Variants in PLCG2 observed in about 807,000 individuals in gnomAD.
PLCG2 encodes the protein 1-phosphatidylinositol 4,5-bisphosphate phosphodiesterase gamma-2.
Under a neutral mutation model 175.6 loss-of-function variants are expected in PLCG2, and 69 were observed. The observed-to-expected ratio is 0.39, with a 90% CI of 0.32 to 0.48. The LOEUF is 0.48. Among genes scored for constraint, PLCG2 ranks in the 20% least tolerant of loss-of-function variants. The probability of loss-of-function intolerance (pLI) is 0.91; values close to 1 mark genes in which losing one functional copy is unlikely to be tolerated. For synonymous variants in PLCG2, 827 were observed against 624.0 expected, an observed-to-expected ratio of 1.33 and a Z score of -4.85; for missense variants, 1,798 against 1,650.9, an observed-to-expected ratio of 1.09 and a Z score of -1.54.
chr16:81,770,755 G>T (rs1485591065), intron 2 of PLCG2, among the ~76,000 whole-genome samples: 1 of 151,980 alleles, frequency 6.6e-6, no homozygotes, highest in East Asian at 1.9e-4. Flanking sequence ...GAGGTATAAC[G>T]TGCATAAAAT....
chr16:81,815,988 G>C lies in PLCG2; in HGVS notation c.193+29806G>C, dbSNP rs1236450694. On this transcript the variant is annotated intron_variant, in intron 2 of 32. Coordinates refer to ENST00000564138, the MANE Select transcript of PLCG2 (RefSeq NM_002661.5). Reference sequence around the variant, plus strand: ...GAGGCAAGAGAATTGCTTGAACCCGGGAGGTGGAGGTTGCGGTGAGCCGAG... The same window carrying C: ...GAGGCAAGAGAATTGCTTGAACCCGCGAGGTGGAGGTTGCGGTGAGCCGAG... Among the ~76,000 whole-genome samples, 7 of 152,230 alleles carry C rather than the reference G, an allele frequency of 4.6e-5. No homozygotes were observed. The East Asian group carries it at 1.4e-3, about 29-fold the overall frequency.
chr16:81,916,478 A>T (rs1297399038), intron 19 of PLCG2, among the ~76,000 whole-genome samples: 1 of 152,186 alleles, frequency 6.6e-6, no homozygotes, highest in East Asian at 1.9e-4. Context: ...TAATTGACAA[A>T]TAAAAGTTGT....
intron 3 of PLCG2, among the ~76,000 whole-genome samples, chr16:81,856,714 C>A (rs142914833): frequency 1.1e-4 from 16 of 152,326 alleles, no homozygotes; most frequent in Non-Finnish European, 2.1e-4. Flanking sequence ...TGCCCTCCCA[C>A]GATGCCCATG....
rs1906231787 is a variant in PLCG2, at chr16:81,848,384, G to C, written c.194-6060G>C. On this transcript the variant is annotated intron_variant, in intron 2 of 32. Transcript: ENST00000564138. ...GCTGGCTTCCAAAGGGTGCTTGTTT[G>C]GGCCCTTTGGAAGGGGGTGTGCGGA... 2.0e-5 allele frequency among the ~76,000 whole-genome samples: 3 copies of C among 152,162 alleles called. No individual in the cohort carries two copies. In the South Asian group the frequency reaches 6.2e-4, roughly 32 times the overall value.
rs140247098 is a variant in PLCG2, at chr16:81,827,573, A to G, written c.194-26871A>G. On this transcript the variant is annotated intron_variant, in intron 2 of 32. Coordinates refer to ENST00000564138, the MANE Select transcript of PLCG2 (RefSeq NM_002661.5). ...ATACCTGCAGGCAGCTGGATAGGTG[A>G]CCTAAATAAGAGAAGCAGGTTGTAT... Among the ~76,000 whole-genome samples the G allele has an allele frequency of 6.8e-3, 1,041 of 152,136 alleles. 11 individuals carry two copies. Among genetic ancestry groups the G allele is most frequent in the Non-Finnish European group, 0.011 (764 of 67,984 alleles).
intron 9 of PLCG2, chr16:81,883,671 A>G: frequency 2.8e-6 from 1 of 357,032 alleles, no homozygotes. Context: ...GGCTGGGTGC[A>G]CCTTTTCTGG....
At chr16:81,840,166 T>TA (rs1321739728) in intron 2 of PLCG2, among the ~76,000 whole-genome samples, 1 of 152,178 alleles carries the variant, frequency 6.6e-6, no homozygotes, top group Non-Finnish European at 1.5e-5. Context: ...GATTGAGAAA[T>TA]GAAACATCGG....
At chr16:81,938,508 A>G (rs1319927935) in intron 28 of PLCG2, 2 of 436,524 alleles carry the variant, frequency 4.6e-6, no homozygotes, top group Non-Finnish European at 8.2e-6. Context: ...TGCCTTGATC[A>G]GAGGCACCTG....
At chr16:81,831,231 G>A (rs1198986592) in intron 2 of PLCG2, among the ~76,000 whole-genome samples, 2 of 152,144 alleles carry the variant, frequency 1.3e-5, no homozygotes, top group African/African-American at 2.4e-5. Flanking sequence ...CTATTAGAAT[G>A]TAATTCTTCG....
At chr16:81,878,115 G>A (rs1471778164) in intron 7 of PLCG2, among the ~76,000 whole-genome samples, 2 of 150,860 alleles carry the variant, frequency 1.3e-5, no homozygotes, top group Admixed American at 1.3e-4. Flanking sequence ...CCGAGTAGCT[G>A]GGGACTACAG....
At chr16:81,837,470 G>A (rs1044863158) in intron 2 of PLCG2, among the ~76,000 whole-genome samples, 1 of 152,236 alleles carries the variant, frequency 6.6e-6, no homozygotes, top group African/African-American at 2.4e-5. Context: ...ACGGGTCCTG[G>A]CAGAAGGCGG....
chr16:81,873,408 C>G (rs767764975), intron 7 of PLCG2, among the ~76,000 whole-genome samples: 2 of 152,134 alleles, frequency 1.3e-5, no homozygotes, highest in African/African-American at 4.8e-5. Context: ...AGAACAATGA[C>G]GTGTGTCATT....
At chr16:81,927,231 T>G (rs948738235) in intron 23 of PLCG2, 53 bp downstream of exon 23, 3 of 1,223,752 alleles carry the variant, frequency 2.5e-6, no homozygotes, top group African/African-American at 3.0e-5. Flanking sequence ...GCAGGTCCAG[T>G]TTTTCAGGGA....
chr16:81,889,313 T>C, intron 10 of PLCG2, 40 bp downstream of exon 10: 2 of 1,064,584 alleles, frequency 1.9e-6, no homozygotes, highest in Non-Finnish European at 2.9e-6. Flanking sequence ...GGGTGACTTT[T>C]TGATTGATGT....
intron 9 of PLCG2, among the ~76,000 whole-genome samples, chr16:81,887,850 GTTAC>G (rs1355914817): frequency 9.9e-5 from 15 of 152,222 alleles, no homozygotes; most frequent in Admixed American, 5.9e-4. Flanking sequence ...GAAAGCAACA[GTTAC>G]TTAATATTAT....
At chr16:81,941,646 A>G (rs554083358) in intron 30 of PLCG2, among the ~76,000 whole-genome samples, 13 of 151,694 alleles carry the variant, frequency 8.6e-5, no homozygotes, top group Non-Finnish European at 1.9e-4. Context: ...TTCATTTGTA[A>G]GAGGCCTGAT....
intron 2 of PLCG2, among the ~76,000 whole-genome samples, chr16:81,769,815 G>A (rs1170958750): frequency 4.0e-5 from 3 of 75,786 alleles, no homozygotes; most frequent in African/African-American, 1.8e-4. Flanking sequence ...GCGAGACTCC[G>A]TCTCAAAAAA....
At chr16:81,773,542 A>G (rs1910328486) in intron 2 of PLCG2, among the ~76,000 whole-genome samples, 1 of 152,112 alleles carries the variant, frequency 6.6e-6, no homozygotes, top group Non-Finnish European at 1.5e-5. Context: ...CTGCTCTTGT[A>G]CACTATTGCT....
chr16:81,931,714 G>GT, intron 25 of PLCG2, 60 bp downstream of exon 25: 1 of 1,510,008 alleles, frequency 6.6e-7, no homozygotes, highest in Non-Finnish European at 9.1e-7. Flanking sequence ...TTGGTGCTCA[G>GT]TTGGGACTGT....
Sources: gnomAD v4.1 joint callset for allele counts (sites outside exome capture counted in the v4.1 genomes callset) on GRCh38, gnomAD v4.1.1 for gene constraint, MANE v1.5 for transcripts, NCBI Gene and HGNC (gene_info 2026-07-23, HGNC 2026-07-21) for gene names.